The following PPP2R2B variants were observed in gnomAD, a reference collection of about 807,000 sequenced individuals.
The protein encoded by PPP2R2B is protein phosphatase 2 regulatory subunit Bbeta, also known as serine/threonine-protein phosphatase 2A 55 kDa regulatory subunit B beta isoform.
A neutral mutation model predicts 46.0 loss-of-function variants in PPP2R2B; 5 were observed. That is an observed-to-expected ratio of 0.11 (90% CI 0.06 to 0.23). PPP2R2B has a LOEUF of 0.23. Ranked by LOEUF, PPP2R2B falls within the 10% of genes least tolerant of loss-of-function variation. PPP2R2B has a pLI of 1.00. For missense variants in PPP2R2B, 367 were observed against 575.0 expected, an observed-to-expected ratio of 0.64 and a Z score of 3.70; for synonymous variants, 215 against 206.7, an observed-to-expected ratio of 1.04 and a Z score of -0.34.
chr5:146,714,400 G>T (rs1780375286), intron 2 of PPP2R2B, among the ~76,000 whole-genome samples: 1 of 152,102 alleles, frequency 6.6e-6, no homozygotes, highest in Admixed American at 6.5e-5. Context: ...GAGTAGCAAA[G>T]AAATGAGGTG....
chr5:146,948,989 TG>T (rs1764572191), intron 1 of PPP2R2B, among the ~76,000 whole-genome samples: 1 of 152,054 alleles, frequency 6.6e-6, no homozygotes, highest in African/African-American at 2.4e-5. Context: ...ACACTGGGTT[TG>T]GGGTCATGTA....
rs1471288228 is a variant in PPP2R2B, at chr5:146,844,377, A to AT, written c.70+33624_70+33625insA. Among the ~76,000 whole-genome samples, 3 of 141,324 alleles carry AT rather than the reference A, an allele frequency of 2.1e-5. No homozygotes were observed. In the Admixed American group the frequency reaches 2.2e-4, roughly 10 times the overall value. 92.7% of individuals were successfully genotyped at this position (141,324 alleles called of 152,430 possible). ...ATAAAAAAAAAAAAACATTAAAAAA[A>AT]AATATATACTGAAACATCCAAAATG... is the stretch of plus-strand genomic sequence containing the variant. On this transcript the variant is annotated intron_variant, in intron 2 of 9. Coordinates refer to ENST00000394411, the MANE Select transcript of PPP2R2B (RefSeq NM_181675.4).
chr5:146,903,876 T>C (rs1762917682), intron 1 of PPP2R2B, among the ~76,000 whole-genome samples: 1 of 152,176 alleles, frequency 6.6e-6, no homozygotes, highest in Non-Finnish European at 1.5e-5. Flanking sequence ...CAGGGTAATA[T>C]GAGCAAAATG....
chr5:146,719,022 G>GAA (rs1780645842), intron 2 of PPP2R2B, among the ~76,000 whole-genome samples: 1 of 152,200 alleles, frequency 6.6e-6, no homozygotes, highest in Non-Finnish European at 1.5e-5. Context: ...ATCCCAAGAC[G>GAA]AAAATGAGAT....
At chr5:146,698,320 ATATATATATATATATATAT>A (rs1779323665) in intron 3 of PPP2R2B, among the ~76,000 whole-genome samples, 176 bp from the exon 4 acceptor site, 1 of 71,598 alleles carries the variant, frequency 1.4e-5, no homozygotes, top group African/African-American at 6.4e-5. Flanking sequence ...AAAAAAAAAT[ATATATATATATATATATAT>A]ATATATATAT....
Position 146,963,402 on chromosome 5 carries a change from C to G in PPP2R2B, c.79+92263G>C, listed in dbSNP as rs1032839875. Reference sequence around the variant, plus strand: ...TGGAGGGTGAAGTGAGGTTTTTTCTCTCTTTCCCCTTCTCCTGTCTTGCTC... The same window carrying G: ...TGGAGGGTGAAGTGAGGTTTTTTCTGTCTTTCCCCTTCTCCTGTCTTGCTC... On this transcript the variant is annotated intron_variant, in intron 1 of 8. Coordinates refer to the PPP2R2B transcript ENST00000336640. Among the ~76,000 whole-genome samples the G allele has an allele frequency of 9.2e-5, 14 of 152,230 alleles. No homozygotes were observed. In the East Asian group the frequency reaches 2.5e-3, roughly 27 times the overall value.
At chr5:146,642,582 C>A (rs72811852) in intron 6 of PPP2R2B, among the ~76,000 whole-genome samples, 364 of 152,208 alleles carry the variant, frequency 2.4e-3, no homozygotes, top group Non-Finnish European at 4.0e-3. Flanking sequence ...GCACAAAATT[C>A]TAACAACAGT....
At chr5:146,653,576 G>A (rs1482012458) in intron 5 of PPP2R2B, among the ~76,000 whole-genome samples, 1 of 152,136 alleles carries the variant, frequency 6.6e-6, no homozygotes, top group Non-Finnish European at 1.5e-5. Context: ...AGGACTTCCT[G>A]TGGCTCCTCC....
At chr5:146,830,343 G>A (rs1758849952) in intron 2 of PPP2R2B, among the ~76,000 whole-genome samples, 2 of 152,168 alleles carry the variant, frequency 1.3e-5, no homozygotes, top group African/African-American at 4.8e-5. Flanking sequence ...AAAACTAGCT[G>A]TTAGGATTTC....
At chr5:146,667,950 A>G (rs1475447559) in intron 5 of PPP2R2B, among the ~76,000 whole-genome samples, 1 of 152,208 alleles carries the variant, frequency 6.6e-6, no homozygotes, top group Non-Finnish European at 1.5e-5. Flanking sequence ...AGGAAGCATC[A>G]GAGCCCTGTA....
rs573784915 is a variant in PPP2R2B at position 146,870,393 on chromosome 5, G to T, written c.70+7609C>A. Reference sequence around the variant, plus strand: ...CTTGCAAGAAGAAAAAAAAATGCCAGAGATTGCGCTCTCTCTTTTCACACT... The same window carrying T: ...CTTGCAAGAAGAAAAAAAAATGCCATAGATTGCGCTCTCTCTTTTCACACT... On this transcript the variant is annotated intron_variant, in intron 2 of 9. Coordinates refer to ENST00000394411, the MANE Select transcript of PPP2R2B (RefSeq NM_181675.4). 2.0e-5 allele frequency among the ~76,000 whole-genome samples: 3 copies of T among 152,294 alleles called. No homozygotes were observed. The East Asian group carries it at 5.8e-4, about 29-fold the overall frequency.
Position 146,933,606 on chromosome 5 carries a change from G to C in PPP2R2B, c.79+122059C>G, listed in dbSNP as rs547283456. On this transcript the variant is annotated intron_variant, in intron 1 of 8. Coordinates refer to the PPP2R2B transcript ENST00000336640. ...AGGGAGATTACCAAGCTTCCAGAGA[G>C]AAGCAAAATGAGACCCATTTAAGAA... Among the ~76,000 whole-genome samples, 65 of 151,974 alleles carry C rather than the reference G, an allele frequency of 4.3e-4. 1 individual carries two copies. Among genetic ancestry groups the C allele is most frequent in the African/African-American group, 1.5e-3 (64 of 41,486 alleles).
intron 1 of PPP2R2B, among the ~76,000 whole-genome samples, chr5:146,950,371 A>G (rs940233748): frequency 2.6e-5 from 4 of 152,122 alleles, no homozygotes; most frequent in African/African-American, 9.7e-5. Flanking sequence ...AGCTTTGCTG[A>G]TATCACTGCC....
rs1770265285 is a variant in PPP2R2B at position 146,588,179 on chromosome 5, A to G, written c.*1768T>C. 1.3e-5 allele frequency: 2 copies of G among 152,228 alleles called. No homozygotes were observed. The highest frequency in any genetic ancestry group is 2.4e-5 in the African/African-American group (1 of 41,462). The allele number at this position is 152,228 out of a possible 1,614,324, so 9.4% of individuals were successfully genotyped here. A position where few individuals can be genotyped will look rare whatever the true frequency, so the allele number is the denominator to read the frequency against. The stretch of plus-strand genomic sequence containing the variant: ...GCTTTCCTTGCAGGAAAAATGAGAA[A>G]TACTGAGAAAGTCTCGTCTTTGTTC... On this transcript the variant is annotated 3_prime_UTR_variant, in exon 10 of 10. Coordinates refer to ENST00000394411, the MANE Select transcript of PPP2R2B (RefSeq NM_181675.4).
At chr5:146,959,489 C>A (rs1476048653) in intron 1 of PPP2R2B, among the ~76,000 whole-genome samples, 2 of 152,110 alleles carry the variant, frequency 1.3e-5, no homozygotes, top group Non-Finnish European at 2.9e-5. Flanking sequence ...CACCCAGTAC[C>A]TCACCTATTG....
chr5:146,591,000 G>C (rs1770590156), intron 9 of PPP2R2B, among the ~76,000 whole-genome samples: 1 of 152,158 alleles, frequency 6.6e-6, no homozygotes, highest in East Asian at 1.9e-4. Flanking sequence ...GATCAGGAGA[G>C]TGGCAAACAC....
chr5:146,924,884 G>A (rs992923071), intron 1 of PPP2R2B, among the ~76,000 whole-genome samples: 3 of 151,974 alleles, frequency 2.0e-5, no homozygotes, highest in African/African-American at 7.3e-5. Flanking sequence ...CTTTTTTATG[G>A]CTGCATAGTA....
At chr5:146,884,721 C>T (rs950604580) in intron 1 of PPP2R2B, among the ~76,000 whole-genome samples, 1 of 152,130 alleles carries the variant, frequency 6.6e-6, no homozygotes, top group African/African-American at 2.4e-5. Context: ...TTTAGGCTGT[C>T]CTGTGCAAGA....
intron 8 of PPP2R2B, among the ~76,000 whole-genome samples, chr5:146,593,782 G>T (rs1174321007): frequency 6.6e-6 from 1 of 152,202 alleles, no homozygotes; most frequent in East Asian, 1.9e-4. Flanking sequence ...TGAGTAAGCA[G>T]CTGGGGGAGA....
Sources: allele counts gnomAD v4.1 joint callset (sites outside exome capture counted in the v4.1 genomes callset), GRCh38; gene constraint gnomAD v4.1.1; transcripts MANE v1.5; gene names NCBI Gene and HGNC (gene_info 2026-07-23, HGNC 2026-07-21).